The following OR9Q1 variants were observed in gnomAD, a reference collection of about 807,000 sequenced individuals.
OR9Q1 encodes the protein olfactory receptor 9Q1.
For synonymous variants in OR9Q1, 153 were observed against 148.6 expected (o/e 1.03, Z -0.22); for missense variants, 374 against 378.8 (o/e 0.99, Z 0.11).
intron 2 of OR9Q1, among the ~76,000 whole-genome samples, chr11:58,068,926 A>G (rs1853460642): frequency 6.6e-6 from 1 of 152,094 alleles, no homozygotes; most frequent in African/African-American, 2.4e-5. Context: ...TAAATTGTCC[A>G]ACACATTATT....
chr11:58,063,800 C>A (rs1269789698), intron 2 of OR9Q1, among the ~76,000 whole-genome samples: 1 of 152,168 alleles, frequency 6.6e-6, no homozygotes, highest in Non-Finnish European at 1.5e-5. Context: ...GAAATAATTT[C>A]ATAAACATTG....
At chr11:58,024,286 T>C (rs1852948733) in intron 1 of OR9Q1, among the ~76,000 whole-genome samples, 182 bp downstream of exon 1, 1 of 152,034 alleles carries the variant, frequency 6.6e-6, no homozygotes, top group Non-Finnish European at 1.5e-5. Context: ...ATCCTGGGCA[T>C]CTCCTAGCCC....
At chr11:58,106,136 A>G (rs1251460561) in intron 2 of OR9Q1, among the ~76,000 whole-genome samples, 3 of 149,826 alleles carry the variant, frequency 2.0e-5, no homozygotes, top group African/African-American at 7.3e-5. Flanking sequence ...CAATTTTTGT[A>G]CTTTCTCACC....
At chr11:58,084,343 G>T (rs148955903) in intron 2 of OR9Q1, among the ~76,000 whole-genome samples, 6 of 151,750 alleles carry the variant, frequency 4.0e-5, no homozygotes, top group Non-Finnish European at 8.8e-5. Context: ...AGTCCTATTA[G>T]CATTTGTACA....
chr11:58,108,882 C>T (rs1463621796), intron 2 of OR9Q1: 1 of 358,522 alleles, frequency 2.8e-6, no homozygotes, highest in African/African-American at 2.1e-5. Context: ...AGTTACTTCT[C>T]TGGTACATGA....
At chr11:58,049,050 T>C (rs2119961952) in intron 1 of OR9Q1, among the ~76,000 whole-genome samples, 1 of 5,236 alleles carries the variant, frequency 1.9e-4, no homozygotes, top group Non-Finnish European at 4.3e-4. Context: ...CTTCTGAAAC[T>C]ATTCCAATCA....
At chr11:58,162,607 G>A (rs1854466933) in intron 2 of OR9Q1, among the ~76,000 whole-genome samples, 1 of 152,194 alleles carries the variant, frequency 6.6e-6, no homozygotes, top group South Asian at 2.1e-4. Context: ...GTTCACTACA[G>A]TACCAGCTGG....
At chr11:58,025,625 A>T (rs556308156) in intron 1 of OR9Q1, among the ~76,000 whole-genome samples, 1 of 152,292 alleles carries the variant, frequency 6.6e-6, no homozygotes, top group South Asian at 2.1e-4. Context: ...AGAGTTTCTC[A>T]TTAGACTTGT....
chr11:58,070,362 A>T (rs945266214), intron 2 of OR9Q1, among the ~76,000 whole-genome samples: 1 of 151,942 alleles, frequency 6.6e-6, no homozygotes, highest in Non-Finnish European at 1.5e-5. Flanking sequence ...TCAGATGTAC[A>T]TTATACTTTT....
chr11:58,176,343 A>C (rs556042742), intron 2 of OR9Q1, among the ~76,000 whole-genome samples: 1 of 152,236 alleles, frequency 6.6e-6, no homozygotes, highest in Non-Finnish European at 1.5e-5. Flanking sequence ...GACTGGGAAG[A>C]AAGTCTTTTC....
intron 2 of OR9Q1, among the ~76,000 whole-genome samples, chr11:58,087,779 T>C (rs1451284329): frequency 6.6e-6 from 1 of 150,614 alleles, no homozygotes; most frequent in Non-Finnish European, 1.5e-5. Context: ...TATGTTCTCA[T>C]TGTTCAACTC....
intron 2 of OR9Q1, among the ~76,000 whole-genome samples, chr11:58,169,851 C>CT (rs572056323): frequency 1.9e-4 from 28 of 148,462 alleles, no homozygotes; most frequent in South Asian, 6.4e-4. Context: ...TGTTTTTTTT[C>CT]TTTTTTTTTT....
At chr11:58,136,152 T>C (rs1345133349) in intron 2 of OR9Q1, among the ~76,000 whole-genome samples, 2 of 152,194 alleles carry the variant, frequency 1.3e-5, no homozygotes, top group Non-Finnish European at 2.9e-5. Context: ...ATGGTTATCA[T>C]AGGTAACTAA....
intron 1 of OR9Q1, chr11:58,026,770 C>T (rs370297555): frequency 2.0e-5 from 3 of 151,214 alleles, no homozygotes; most frequent in Non-Finnish European, 2.9e-5. Flanking sequence ...TAATCTTCTC[C>T]GTGTCATTCC....
intron 2 of OR9Q1, among the ~76,000 whole-genome samples, chr11:58,087,728 CT>C (rs1348531375): frequency 6.6e-6 from 1 of 151,648 alleles, no homozygotes. Flanking sequence ...CCCCCACCCC[CT>C]GACAGGCCCC....
At chr11:58,126,087 T>G (rs1322417744) in intron 2 of OR9Q1, among the ~76,000 whole-genome samples, 1 of 152,170 alleles carries the variant, frequency 6.6e-6, no homozygotes, top group Non-Finnish European at 1.5e-5. Context: ...TAAACATACT[T>G]CATTCATGTC....
intron 2 of OR9Q1, among the ~76,000 whole-genome samples, chr11:58,115,345 C>T (rs997198062): frequency 6.6e-6 from 1 of 151,972 alleles, no homozygotes; most frequent in Non-Finnish European, 1.5e-5. Context: ...TAAAGCAATT[C>T]CTAATTCAAG....
intron 2 of OR9Q1, among the ~76,000 whole-genome samples, chr11:58,135,511 AG>A (rs1193586283): frequency 6.6e-6 from 1 of 152,098 alleles, no homozygotes; most frequent in East Asian, 1.9e-4. Context: ...TTCTTCTTTA[AG>A]TCAGCACAAG....
At chr11:58,106,209 T>G (rs577123878) in intron 2 of OR9Q1, among the ~76,000 whole-genome samples, 14 of 151,746 alleles carry the variant, frequency 9.2e-5, no homozygotes, top group Non-Finnish European at 1.8e-4. Flanking sequence ...AAGTGGTATC[T>G]CATTGTAGTT....
Sources: gnomAD v4.1 joint callset for allele counts (sites outside exome capture counted in the v4.1 genomes callset) on GRCh38, gnomAD v4.1.1 for gene constraint, MANE v1.5 for transcripts, NCBI Gene and HGNC (gene_info 2026-07-23, HGNC 2026-07-21) for gene names.